The following RAD9B variants were observed in gnomAD, a reference collection of about 807,000 sequenced individuals.
RAD9B encodes the protein RAD9 checkpoint clamp component B.
Under a neutral mutation model 48.3 loss-of-function variants are expected in RAD9B, and 41 were observed. That is an observed-to-expected ratio of 0.85 (90% CI 0.66 to 1.10). The LOEUF is 1.10. Ranked by LOEUF, RAD9B falls within the 50% of genes least tolerant of loss-of-function variation. RAD9B has a pLI of 0.00. For missense variants in RAD9B, 444 were observed against 485.1 expected, an observed-to-expected ratio of 0.92 and a Z score of 0.80; for synonymous variants, 160 against 157.9, an observed-to-expected ratio of 1.01 and a Z score of -0.10.
At chr12:110,508,537 C>T (rs188615629) in intron 4 of RAD9B, among the ~76,000 whole-genome samples, 6 of 152,238 alleles carry the variant, frequency 3.9e-5, no homozygotes, top group Admixed American at 6.5e-5. Flanking sequence ...TAAAAACAGA[C>T]GGTCCAACTC....
chr12:110,506,739 A>G (rs1165260392), intron 4 of RAD9B, 46 bp downstream of exon 4: 4 of 905,822 alleles, frequency 4.4e-6, no homozygotes, highest in African/African-American at 1.7e-5. Flanking sequence ...TTTTTTCTCA[A>G]TAGTTTTCAT....
At chr12:110,516,465 G>C (rs1314209833) in intron 6 of RAD9B, among the ~76,000 whole-genome samples, 1 of 152,100 alleles carries the variant, frequency 6.6e-6, no homozygotes. Flanking sequence ...AGTGACATGA[G>C]CCTTCTTGTT....
chr12:110,509,762 A>T (rs921880553), intron 4 of RAD9B, among the ~76,000 whole-genome samples: 4 of 152,230 alleles, frequency 2.6e-5, no homozygotes, highest in Admixed American at 2.6e-4. Context: ...AATATTTGTT[A>T]TACAGGTATA....
chr12:110,526,458 C>CTCAGCTT (rs1238969822), intron 10 of RAD9B, among the ~76,000 whole-genome samples: 1 of 152,158 alleles, frequency 6.6e-6, no homozygotes, highest in African/African-American at 2.4e-5. Flanking sequence ...TAAAGAAAAC[C>CTCAGCTT]TCAGCTTTCA....
chr12:110,507,027 A>G (rs939553458), intron 4 of RAD9B, among the ~76,000 whole-genome samples: 15 of 151,780 alleles, frequency 9.9e-5, no homozygotes, highest in Non-Finnish European at 1.9e-4. Flanking sequence ...TTTAGTAGAG[A>G]CGGGGTTTCA....
intron 9 of RAD9B, among the ~76,000 whole-genome samples, chr12:110,520,559 C>CTTCACACT (rs2063744518): frequency 6.9e-6 from 1 of 145,334 alleles, no homozygotes; most frequent in African/African-American, 2.5e-5. Context: ...AGTGTTTTCA[C>CTTCACACT]AGGAAAGTCT....
Position 110,532,651 on chromosome 12 carries a change from CAG to C in RAD9B, c.*1999_*2000del, listed in dbSNP as rs1214627935. ...TTTGGTCAACGATGGACTGCACAGACAGTGGTGGTCCCATAAGATAATGGAGC... is the reference window on the plus strand; with the variant it reads ...TTTGGTCAACGATGGACTGCACAGACTGGTGGTCCCATAAGATAATGGAGC... On this transcript the variant is annotated 3_prime_UTR_variant, in exon 11 of 11. Transcript: ENST00000409300. Among the ~76,000 whole-genome samples, 4 of 152,334 alleles carry C rather than the reference CAG, an allele frequency of 2.6e-5. No individual in the cohort carries two copies. The East Asian group carries it at 7.7e-4, about 29-fold the overall frequency.
intron 4 of RAD9B, among the ~76,000 whole-genome samples, chr12:110,511,861 T>C (rs2063469787): frequency 6.6e-6 from 1 of 152,102 alleles, no homozygotes; most frequent in Admixed American, 6.5e-5. Flanking sequence ...TTTTCTTTTT[T>C]TTTTGAGACA....
At chr12:110,522,438 C>T in intron 10 of RAD9B, 27 bp downstream of exon 10, 1 of 1,485,730 alleles carries the variant, frequency 6.7e-7, no homozygotes, top group East Asian at 2.4e-5. Context: ...TCAACCACAT[C>T]TCAGTCAAGA....
intron 6 of RAD9B, among the ~76,000 whole-genome samples, chr12:110,516,928 C>A (rs977338888): frequency 2.6e-5 from 4 of 151,952 alleles, no homozygotes; most frequent in Non-Finnish European, 4.4e-5. Flanking sequence ...TTTAAGTCAC[C>A]TGATATCCCA....
chr12:110,504,285 A>G (rs1045287017), intron 2 of RAD9B, among the ~76,000 whole-genome samples: 1 of 151,856 alleles, frequency 6.6e-6, no homozygotes, highest in Non-Finnish European at 1.5e-5. Flanking sequence ...CCTGGTCCAC[A>G]TGGTGAAACT....
intron 8 of RAD9B, 52 bp downstream of exon 8, chr12:110,518,990 A>T: frequency 8.2e-7 from 1 of 1,221,128 alleles, no homozygotes; most frequent in African/African-American, 1.5e-5. Context: ...TATATCAATA[A>T]CAAAACCTTT....
intron 4 of RAD9B, chr12:110,511,515 G>A (rs763011051): frequency 2.0e-5 from 9 of 450,488 alleles, no homozygotes; most frequent in Middle Eastern, 3.3e-4. Flanking sequence ...CAATGTGGAC[G>A]CTAAAAAGTT....
intron 9 of RAD9B, among the ~76,000 whole-genome samples, chr12:110,520,630 T>TTC (rs1231958933): frequency 3.1e-4 from 45 of 143,156 alleles, no homozygotes; most frequent in African/African-American, 1.1e-3. Context: ...CTTGCTTTCT[T>TTC]TTTTTTTTTT....
At chr12:110,520,807 C>A (rs1352578302) in intron 9 of RAD9B, among the ~76,000 whole-genome samples, 1 of 151,610 alleles carries the variant, frequency 6.6e-6, no homozygotes, top group Non-Finnish European at 1.5e-5. Flanking sequence ...TGCACTAACA[C>A]GCCTGGCTAA....
At chr12:110,519,725 C>A (rs1018350634) in intron 8 of RAD9B, 69 bp from the exon 9 acceptor site, 8 of 1,498,738 alleles carry the variant, frequency 5.3e-6, no homozygotes, top group Middle Eastern at 1.8e-4. Flanking sequence ...AATTAAGTAT[C>A]ATTTCTAATG....
chr12:110,527,220 G>GT lies in RAD9B; in HGVS notation c.1126-3299dup, dbSNP rs1402195801. The stretch of plus-strand genomic sequence containing the variant: ...TCCAGCTTCAAAATCAGCAACGGCC[G>GT]TTTTTTCCACACAGCCGCACTCTGA... On this transcript the variant is annotated intron_variant, in intron 10 of 10. Transcript: ENST00000409300. Among the ~76,000 whole-genome samples the GT allele has an allele frequency of 2.6e-5, 4 of 152,020 alleles. No individual in the cohort carries two copies. The South Asian group carries it at 6.2e-4, about 24-fold the overall frequency.
intron 2 of RAD9B, among the ~76,000 whole-genome samples, chr12:110,504,906 G>A (rs2063215330): frequency 2.6e-5 from 4 of 152,226 alleles, no homozygotes; most frequent in Non-Finnish European, 1.5e-5. Flanking sequence ...GGAAGGCTGA[G>A]AGGAGGGAGG....
At chr12:110,507,180 C>T (rs928054935) in intron 4 of RAD9B, among the ~76,000 whole-genome samples, 15 of 151,896 alleles carry the variant, frequency 9.9e-5, no homozygotes, top group Admixed American at 2.0e-4. Flanking sequence ...TATTATCTTA[C>T]CTGTCACTGT....
Sources: gnomAD v4.1 joint callset for allele counts (sites outside exome capture counted in the v4.1 genomes callset) on GRCh38, gnomAD v4.1.1 for gene constraint, MANE v1.5 for transcripts, NCBI Gene and HGNC (gene_info 2026-07-23, HGNC 2026-07-21) for gene names.